Variants in KIF26B observed in about 807,000 individuals in gnomAD.
KIF26B encodes the protein kinesin family member 26B.
A neutral mutation model predicts 151.2 loss-of-function variants in KIF26B; 63 were observed. The ratio of observed to expected loss-of-function variants is 0.42; its 90% CI spans 0.34 to 0.51. KIF26B has a LOEUF of 0.51. KIF26B is among the 20% of genes least tolerant of loss of function. KIF26B has a pLI of 0.07. For synonymous variants in KIF26B, 1,357 were observed against 1,262.1 expected, an observed-to-expected ratio of 1.08 and a Z score of -1.59; for missense variants, 2,813 against 2,913.6, an observed-to-expected ratio of 0.97 and a Z score of 0.79.
At chr1:245,457,368 C>T (rs1056470319) in intron 4 of KIF26B, among the ~76,000 whole-genome samples, 4 of 152,224 alleles carry the variant, frequency 2.6e-5, no homozygotes, top group Middle Eastern at 3.4e-3. Context: ...CTAATGTTAG[C>T]GGAACATCAC....
At chr1:245,515,740 C>A (rs1363764154) in intron 4 of KIF26B, among the ~76,000 whole-genome samples, 1 of 152,116 alleles carries the variant, frequency 6.6e-6, no homozygotes, top group South Asian at 2.1e-4. Flanking sequence ...TGGGCTAGAA[C>A]CTCTGATGGT....
At chr1:245,204,355 G>A (rs73127118) in intron 2 of KIF26B, among the ~76,000 whole-genome samples, 3,914 of 150,816 alleles carry the variant, frequency 0.026, 144 homozygotes, top group African/African-American at 0.084. Flanking sequence ...AATGAAATGC[G>A]TCTTCTCTGT....
chr1:245,663,098 G>C (rs1161105032), intron 10 of KIF26B, among the ~76,000 whole-genome samples: 4 of 151,544 alleles, frequency 2.6e-5, no homozygotes, highest in Non-Finnish European at 5.9e-5. Flanking sequence ...CCAAAGTCTG[G>C]ACTTTTCCTT....
At chr1:245,600,320 G>A (rs898134924) in intron 5 of KIF26B, among the ~76,000 whole-genome samples, 2 of 144,216 alleles carry the variant, frequency 1.4e-5, no homozygotes, top group African/African-American at 5.1e-5. Flanking sequence ...TTACAGGCGT[G>A]AGCCACCACG....
In KIF26B at chr1:245,611,832, A is replaced by C; in HGVS notation, c.1954A>C (p.Lys652Gln). 6.2e-7 allele frequency: 1 copy of C among 1,613,760 alleles called. No homozygotes were observed. Residue 652 changes from lysine (K) to glutamine (Q), a missense_variant, in exon 9 of 15, where the codon AAG becomes CAG. This residue lies in a region of KIF26B where 2,060 missense variants were observed against 2,088.6 expected (regional missense o/e 0.99). Transcript: ENST00000407071. ...QSELRAPTAE[K>Q]AAFFLDAAIA... is the part of the protein sequence containing the mutation. ...CGAGCTGCGGGCCCCCACCGCAGAG[A>C]AGGCTGCCTTTTTCCTGGATGCCGC...
At chr1:245,174,881 T>C (rs1436502753) in intron 2 of KIF26B, among the ~76,000 whole-genome samples, 2 of 152,208 alleles carry the variant, frequency 1.3e-5, no homozygotes, top group East Asian at 1.9e-4. Flanking sequence ...TTTTTGCAGG[T>C]GTCTCATGCT....
intron 2 of KIF26B, among the ~76,000 whole-genome samples, chr1:245,303,010 AAAAG>A (rs1553342656): frequency 1.3e-5 from 2 of 149,064 alleles, no homozygotes; most frequent in African/African-American, 2.5e-5. Flanking sequence ...AAAAAAAAAA[AAAAG>A]AAAGAAATGG....
chr1:245,693,752 C>T (rs1227149344), intron 12 of KIF26B, among the ~76,000 whole-genome samples: 2 of 152,104 alleles, frequency 1.3e-5, no homozygotes, highest in African/African-American at 4.8e-5. Context: ...CTCTGCCAAC[C>T]TCTCCTATTC....
rs919344091 is a variant in KIF26B, at chr1:245,685,891, G to T, written c.2908G>T (p.Gly970Trp). ...AGGCCCCCGGTTAAGCCAAGCAGCG[G>T]GGGCAAGCCCACTCTCTGAGTCTGA... ...SRGPRLSQAA[G>W]ASPLSESDKE... Residue 970 changes from glycine (G) to tryptophan (W), a missense_variant, in exon 12 of 15, where the codon GGG (glycine) becomes TGG (tryptophan). Gly to Trp is a radical substitution (Grantham distance 184, BLOSUM62 -2). Coordinates refer to ENST00000407071, the MANE Select transcript of KIF26B (RefSeq NM_018012.4). 3 of 1,613,054 alleles carry T rather than the reference G, an allele frequency of 1.9e-6. No individual in the cohort carries two copies. Among genetic ancestry groups the T allele is most frequent in the Admixed American group, 1.7e-5 (1 of 59,976 alleles).
chr1:245,436,112 G>A (rs569341268), intron 4 of KIF26B, among the ~76,000 whole-genome samples: 1 of 152,016 alleles, frequency 6.6e-6, no homozygotes, highest in Admixed American at 6.5e-5. Context: ...GGGAGGTGGA[G>A]GTTGCAGTGA....
Position 245,540,974 on chromosome 1 carries a change from C to A in KIF26B, c.1350+24C>A. The A allele has an allele frequency of 1.3e-6, 2 of 1,589,116 alleles. No homozygotes were observed. The highest frequency in any genetic ancestry group is 8.6e-7 in the Non-Finnish European group (1 of 1,164,188). On this transcript the variant is annotated intron_variant, in intron 5 of 14. Transcript: ENST00000407071. This position sits in a 1 kb window ranked among gnomAD's most constrained non-coding sequence, Gnocchi z 4.6. ...AGGTAGGACCATCCGCCGTCCCTGC[C>A]ATTTGCCCAGTGTGCGAGGTTCTGG...
chr1:245,523,747 G>A (rs1342585916), intron 4 of KIF26B, among the ~76,000 whole-genome samples: 3 of 152,102 alleles, frequency 2.0e-5, no homozygotes, highest in Non-Finnish European at 4.4e-5. Context: ...ATCATCTTGT[G>A]GGTTAGGATT....
At chr1:245,196,175 C>G (rs1189577339) in intron 2 of KIF26B, among the ~76,000 whole-genome samples, 1 of 152,210 alleles carries the variant, frequency 6.6e-6, no homozygotes, top group Non-Finnish European at 1.5e-5. Flanking sequence ...AACAAGACCA[C>G]TATTTTCCTG....
chr1:245,524,371 C>G (rs1451519214), intron 4 of KIF26B, among the ~76,000 whole-genome samples: 1 of 152,182 alleles, frequency 6.6e-6, no homozygotes, highest in African/African-American at 2.4e-5. Context: ...TATTTGACTC[C>G]AAAGCCTGTA....
At position 245,602,118 on chromosome 1, in the gene KIF26B, CTG is replaced by C. The variant is rs10536684; in HGVS notation, c.1351-456_1351-455del. On this transcript the variant is annotated intron_variant, in intron 5 of 14. Coordinates refer to ENST00000407071, the MANE Select transcript of KIF26B (RefSeq NM_018012.4). The surrounding 1 kb of genome is among the most constrained non-coding windows in gnomAD (Gnocchi z 4.5). ...GGTTCTTTAATGATGACACTAATAA[CTG>C]TGGATTTTTGTCTCCCAGAGTCCTG... is the stretch of plus-strand genomic sequence containing the variant. 0.14 allele frequency among the ~76,000 whole-genome samples: 21,793 copies of C among 152,050 alleles called. 1,977 individuals carry two copies. The highest frequency in any genetic ancestry group is 0.29 in the Admixed American group (4,380 of 15,260).
At chr1:245,276,574 G>A (rs56145051) in intron 2 of KIF26B, among the ~76,000 whole-genome samples, 5,761 of 152,228 alleles carry the variant, frequency 0.038, 148 homozygotes, top group African/African-American at 0.062. Context: ...TGAAAAGCCT[G>A]GACATTGGAC....
rs1420018053 is a variant in KIF26B at position 245,464,990 on chromosome 1, T to C, written c.1166+45245T>C. Among the ~76,000 whole-genome samples the C allele has an allele frequency of 4.0e-5, 6 of 148,902 alleles. No individual in the cohort carries two copies. In the East Asian group the frequency reaches 1.2e-3, roughly 29 times the overall value. ...CTGTGTTACCTCATGCCTTTTTTTT[T>C]TTTTTTGAGACTGAGTCTCACTCTG... On this transcript the variant is annotated intron_variant, in intron 4 of 14. Coordinates refer to ENST00000407071, the MANE Select transcript of KIF26B (RefSeq NM_018012.4).
intron 4 of KIF26B, among the ~76,000 whole-genome samples, chr1:245,539,225 G>T (rs1384019925): frequency 6.6e-6 from 1 of 152,148 alleles, no homozygotes; most frequent in Non-Finnish European, 1.5e-5. Context: ...AACACCATTT[G>T]CTATATTTGT....
chr1:245,195,888 A>G (rs1223767754), intron 2 of KIF26B, among the ~76,000 whole-genome samples: 1 of 152,208 alleles, frequency 6.6e-6, no homozygotes, highest in Non-Finnish European at 1.5e-5. Context: ...ATTTCCTTAA[A>G]AGAGTAGCCT....
Sources: gnomAD v4.1 joint callset for allele counts (sites outside exome capture counted in the v4.1 genomes callset) on GRCh38, gnomAD v4.1.1 for gene constraint, gnomAD v4.1.1 regional missense constraint, Gnocchi (gnomAD v3.1) non-coding constraint, MANE v1.5 for transcripts, NCBI Gene and HGNC (gene_info 2026-07-23, HGNC 2026-07-21) for gene names.